The following SLCO1A2 variants were observed in gnomAD, a reference collection of about 807,000 sequenced individuals.
SLCO1A2 encodes OATP-1.
In SLCO1A2, 67 loss-of-function variants were observed where a neutral mutation model predicts 69.0. The observed-to-expected ratio is 0.97, with a 90% confidence interval of 0.80 to 1.19. The LOEUF (loss-of-function observed/expected upper bound fraction) is 1.19. Ranked by LOEUF, SLCO1A2 falls within the 50% of genes most tolerant of loss-of-function variation. SLCO1A2 has a pLI of 0.00. For missense variants in SLCO1A2, 787 were observed against 793.7 expected, an observed-to-expected ratio of 0.99 and a Z score of 0.10; for synonymous variants, 260 against 265.9, an observed-to-expected ratio of 0.98 and a Z score of 0.22.
intron 1 of SLCO1A2, among the ~76,000 whole-genome samples, chr12:21,380,833 T>C (rs1268758018): frequency 6.6e-6 from 1 of 152,044 alleles, no homozygotes; most frequent in Non-Finnish European, 1.5e-5. Flanking sequence ...TAGGCAACCA[T>C]GAGCAGGGAA....
At position 21,297,447 on chromosome 12, in the gene SLCO1A2, T is replaced by C. The variant is rs1293633936; in HGVS notation, c.1032A>G (p.Glu344=). 1 of 1,612,864 alleles carries C rather than the reference T, an allele frequency of 6.2e-7. No individual in the cohort carries two copies. The highest frequency in any genetic ancestry group is 8.5e-7 in the Non-Finnish European group (1 of 1,179,164). Residue 344 remains glutamate, a synonymous_variant, in exon 9 of 15, where the codon GAA becomes GAG. Transcript: ENST00000683939. ...CTGAAGATGATATTCCATATTGCTGTTCTAGGTATTTAGGCATGAAGGAGA... is the reference window on the plus strand; with the variant it reads ...CTGAAGATGATATTCCATATTGCTGCTCTAGGTATTTAGGCATGAAGGAGA... ...NMISFMPKYL[E]QQYGISSSDA...
At chr12:21,323,560 GA>G (rs968732609) in intron 2 of SLCO1A2, among the ~76,000 whole-genome samples, 3 of 152,166 alleles carry the variant, frequency 2.0e-5, no homozygotes, top group Non-Finnish European at 4.4e-5. Context: ...GTAAGACCCT[GA>G]GTGAGTCTCA....
intron 2 of SLCO1A2, among the ~76,000 whole-genome samples, chr12:21,342,297 A>G (rs139477592): frequency 6.6e-6 from 1 of 151,244 alleles, no homozygotes; most frequent in South Asian, 2.1e-4. Flanking sequence ...CCTATTTTTG[A>G]AAAAAGAGTA....
upstream of SLCO1A2, chr12:21,419,378 G>A (rs574787456): frequency 1.1e-4 from 17 of 153,494 alleles, no homozygotes; most frequent in Admixed American, 1.3e-4. Context: ...TGCGCGAGCC[G>A]AAGCAGGGCG....
Position 21,292,290 on chromosome 12 carries a change from G to A in SLCO1A2, c.1484C>T (p.Ala495Val). ...SCIQTSGNSS[A>V]VLGLCDKGPD... ...TCCTTTGTCGCACAGCCCAAGAACT[G>A]CAGATGAATTTCCTGATGTTTGAAT... Residue 495 changes from alanine (A) to valine (V), a missense_variant, in exon 12 of 15, where the codon GCA becomes GTA. Physicochemically the swap from Ala to Val is moderately conservative, Grantham distance 64. Transcript: ENST00000683939. 2 of 1,611,658 alleles carry A rather than the reference G, an allele frequency of 1.2e-6. No homozygotes were observed. Among genetic ancestry groups the A allele is most frequent in the Non-Finnish European group, 1.7e-6 (2 of 1,178,450 alleles).
chr12:21,308,429 T>C (rs1406960465), intron 4 of SLCO1A2, among the ~76,000 whole-genome samples: 1 of 152,162 alleles, frequency 6.6e-6, no homozygotes, highest in African/African-American at 2.4e-5. Context: ...GCAAGATACT[T>C]AAATGCAAAA....
chr12:21,416,215 G>A (rs1444418949), intron 1 of SLCO1A2, among the ~76,000 whole-genome samples: 3 of 151,846 alleles, frequency 2.0e-5, no homozygotes, highest in African/African-American at 7.3e-5. Flanking sequence ...TATTATTTGA[G>A]TCTGGGAGCT....
intron 1 of SLCO1A2, among the ~76,000 whole-genome samples, chr12:21,393,981 A>T (rs1424172289): frequency 6.6e-6 from 1 of 152,210 alleles, no homozygotes; most frequent in Non-Finnish European, 1.5e-5. Flanking sequence ...TTACCTCTAT[A>T]AAACAATAAC....
chr12:21,280,851 A>G (rs1355010809), intron 12 of SLCO1A2, among the ~76,000 whole-genome samples: 1 of 152,132 alleles, frequency 6.6e-6, no homozygotes, highest in African/African-American at 2.4e-5. Flanking sequence ...TCACAAACCA[A>G]GTCTTAAAAC....
At chr12:21,400,148 A>G (rs1941638794), upstream of SLCO1A2, among the ~76,000 whole-genome samples, 2 of 152,228 alleles carry the variant, frequency 1.3e-5, no homozygotes, top group Admixed American at 6.5e-5. Flanking sequence ...GCTAATATCC[A>G]GAATCTACAA....
chr12:21,348,395 C>G (rs138833317), intron 2 of SLCO1A2, among the ~76,000 whole-genome samples: 324 of 152,280 alleles, frequency 2.1e-3, no homozygotes, highest in African/African-American at 7.4e-3. Flanking sequence ...CACAGCCCCC[C>G]ATGACACTTA....
intron 12 of SLCO1A2, among the ~76,000 whole-genome samples, chr12:21,275,690 C>T (rs1326095219): frequency 6.6e-6 from 1 of 152,164 alleles, no homozygotes; most frequent in African/African-American, 2.4e-5. Flanking sequence ...CCTGTAATCC[C>T]AGCACACTGG....
intron 2 of SLCO1A2, among the ~76,000 whole-genome samples, chr12:21,333,134 A>C (rs1952716310): frequency 6.6e-6 from 1 of 152,106 alleles, no homozygotes; most frequent in Non-Finnish European, 1.5e-5. Flanking sequence ...TATAAATCAG[A>C]TTTTATATTT....
upstream of SLCO1A2, among the ~76,000 whole-genome samples, chr12:21,337,682 G>A (rs936042992): frequency 5.3e-5 from 8 of 152,054 alleles, no homozygotes; most frequent in Non-Finnish European, 8.8e-5. Flanking sequence ...GCAAGTATGT[G>A]CCAATGAATT....
At chr12:21,354,684 T>C (rs188752562) in intron 2 of SLCO1A2, among the ~76,000 whole-genome samples, 26 of 152,298 alleles carry the variant, frequency 1.7e-4, no homozygotes, top group African/African-American at 6.3e-4. Context: ...AACTTTTACT[T>C]TTAAATTCAA....
chr12:21,366,810 A>G (rs1408245095), intron 2 of SLCO1A2, among the ~76,000 whole-genome samples: 1 of 151,944 alleles, frequency 6.6e-6, no homozygotes, highest in Non-Finnish European at 1.5e-5. Flanking sequence ...AAAAGTTGGT[A>G]GATTAGGAAA....
chr12:21,363,595 A>G lies in SLCO1A2; in HGVS notation c.-63+10804T>C, dbSNP rs1296899091. 9.8e-5 allele frequency among the ~76,000 whole-genome samples: 15 copies of G among 152,332 alleles called. No homozygotes were observed. The East Asian group carries it at 2.9e-3, about 29-fold the overall frequency. ...ACACAAAAAAACCCTTCAAAAAATA[A>G]ATTAAGCCAGGAGCTGGTTTTTGGA... is the stretch of plus-strand genomic sequence containing the variant. On this transcript the variant is annotated intron_variant, in intron 2 of 15. Coordinates refer to the SLCO1A2 transcript ENST00000307378.
intron 2 of SLCO1A2, among the ~76,000 whole-genome samples, chr12:21,363,724 G>A (rs1420818803): frequency 1.3e-5 from 2 of 152,112 alleles, no homozygotes; most frequent in Non-Finnish European, 2.9e-5. Context: ...TATCACCATC[G>A]ATCCTACAGA....
At chr12:21,297,239 TTCTTTCTTTC>T (rs1947866459) in intron 9 of SLCO1A2, among the ~76,000 whole-genome samples, 155 bp downstream of exon 9, 2 of 125,650 alleles carry the variant, frequency 1.6e-5, no homozygotes, top group Non-Finnish European at 3.2e-5. Context: ...CCTTCTTTCT[TTCTTTCTTTC>T]TCTTTCTTTC....
Sources: allele counts gnomAD v4.1 joint callset (sites outside exome capture counted in the v4.1 genomes callset), GRCh38; gene constraint gnomAD v4.1.1; transcripts MANE v1.5; gene names NCBI Gene and HGNC (gene_info 2026-07-23, HGNC 2026-07-21).